The following CFAP61 variants were observed in gnomAD, a reference collection of about 807,000 sequenced individuals.
The protein encoded by CFAP61 is cilia- and flagella-associated protein 61.
CFAP61 carries 107 observed loss-of-function variants against 135.6 expected under a neutral mutation model. The ratio of observed to expected loss-of-function variants is 0.79; its 90% CI spans 0.67 to 0.93. CFAP61 has a LOEUF of 0.93. CFAP61 is among the 40% of genes least tolerant of loss of function. The pLI is 0.00. For missense variants in CFAP61, 1,507 were observed against 1,556.2 expected (o/e 0.97, Z 0.53); for synonymous variants, 575 against 578.5 (o/e 0.99, Z 0.09).
intron 9 of CFAP61, among the ~76,000 whole-genome samples, chr20:20,154,690 CAAAA>C (rs1410614342): frequency 1.3e-5 from 2 of 151,080 alleles, no homozygotes; most frequent in African/African-American, 2.4e-5. Context: ...AAAAAACAAA[CAAAA>C]AACCTAGGAA....
At chr20:20,259,218 TGTCAACA>T (rs1006508023) in intron 20 of CFAP61, among the ~76,000 whole-genome samples, 3 of 150,152 alleles carry the variant, frequency 2.0e-5, no homozygotes, top group Non-Finnish European at 4.4e-5. Flanking sequence ...GGCTCCCTGA[TGTCAACA>T]GGAACCCAGG....
chr20:20,169,244 G>C, intron 12 of CFAP61, 77 bp from the exon 13 acceptor site: 4 of 1,373,350 alleles, frequency 2.9e-6, no homozygotes, highest in Non-Finnish European at 3.0e-6. Context: ...TATTTTTCTT[G>C]GTGTTTTTTA....
At chr20:20,210,120 T>C (rs2047526859) in intron 17 of CFAP61, among the ~76,000 whole-genome samples, 1 of 152,206 alleles carries the variant, frequency 6.6e-6, no homozygotes, top group Admixed American at 6.5e-5. Context: ...CCATCTCCAC[T>C]GGACTCTTCC....
chr20:20,096,661 G>A (rs1407010002), intron 7 of CFAP61, among the ~76,000 whole-genome samples: 1 of 152,212 alleles, frequency 6.6e-6, no homozygotes, highest in Non-Finnish European at 1.5e-5. Flanking sequence ...TTTCCCTGCC[G>A]AGAGTCAGGC....
intron 20 of CFAP61, among the ~76,000 whole-genome samples, chr20:20,261,829 A>G (rs1451420949): frequency 6.6e-6 from 1 of 151,740 alleles, no homozygotes; most frequent in East Asian, 1.9e-4. Flanking sequence ...AGTTTGCCAC[A>G]GTATCCTTGA....
At chr20:20,189,496 T>C (rs906276103) in intron 14 of CFAP61, among the ~76,000 whole-genome samples, 1 of 147,688 alleles carries the variant, frequency 6.8e-6, no homozygotes, top group Non-Finnish European at 1.5e-5. Context: ...TCTGTACTTA[T>C]GTACTTATGG....
chr20:20,267,215 G>A (rs1195098098), intron 21 of CFAP61, among the ~76,000 whole-genome samples: 3 of 152,120 alleles, frequency 2.0e-5, no homozygotes, highest in Admixed American at 2.0e-4. Flanking sequence ...GAGAGGCTGG[G>A]GGAGTTTGGA....
chr20:20,146,689 C>T (rs536351918), intron 9 of CFAP61, among the ~76,000 whole-genome samples: 1 of 152,306 alleles, frequency 6.6e-6, no homozygotes, highest in African/African-American at 2.4e-5. Context: ...ACTTAATGAT[C>T]TTTGCATTGA....
intron 13 of CFAP61, among the ~76,000 whole-genome samples, chr20:20,181,103 A>G (rs1043105987): frequency 1.3e-5 from 2 of 151,750 alleles, no homozygotes. Context: ...ACAAACCCCA[A>G]TGACACAAGT....
intron 1 of CFAP61, among the ~76,000 whole-genome samples, chr20:20,055,580 T>C (rs1368534724): frequency 6.6e-6 from 1 of 152,238 alleles, no homozygotes; most frequent in Non-Finnish European, 1.5e-5. Flanking sequence ...CTCGCTCGCT[T>C]TCTTTCTTCT....
intron 1 of CFAP61, among the ~76,000 whole-genome samples, chr20:20,054,412 T>TACAC (rs759860912): frequency 6.6e-6 from 1 of 151,356 alleles, no homozygotes; most frequent in Non-Finnish European, 1.5e-5. Flanking sequence ...TATATATATA[T>TACAC]ATACACACAC....
At chr20:20,246,026 G>A (rs1254081868) in intron 18 of CFAP61, 91 bp from the exon 19 acceptor site, 3 of 765,516 alleles carry the variant, frequency 3.9e-6, no homozygotes, top group Admixed American at 2.5e-5. Flanking sequence ...ACAGTTGGAT[G>A]ACACGTGATA....
At chr20:20,102,683 G>A (rs891013406) in intron 8 of CFAP61, among the ~76,000 whole-genome samples, 3 of 151,856 alleles carry the variant, frequency 2.0e-5, no homozygotes, top group African/African-American at 7.3e-5. Context: ...CCCTTTATGT[G>A]TCCATGGACA....
Position 20,355,495 on chromosome 20 carries a change from G to A in CFAP61, c.3514-4715G>A, listed in dbSNP as rs371906785. On this transcript the variant is annotated intron_variant, in intron 26 of 26. Coordinates refer to ENST00000245957, the MANE Select transcript of CFAP61 (RefSeq NM_015585.4). ...GGGAGGTGGTCACACTGTGAGGGGA[G>A]GTGGTCACACTGTGAGGGGAGGTGG... Among the ~76,000 whole-genome samples the A allele has an allele frequency of 2.9e-4, 34 of 118,758 alleles. 5 individuals carry two copies. The highest frequency in any genetic ancestry group is 2.2e-3 in the East Asian group (6 of 2,762). 77.9% of individuals were successfully genotyped at this position (118,758 alleles called of 152,430 possible). A position where few individuals can be genotyped will look rare whatever the true frequency, so the allele number is the denominator to read the frequency against.
At chr20:20,096,642 G>A (rs902512258) in intron 7 of CFAP61, among the ~76,000 whole-genome samples, 16 of 152,232 alleles carry the variant, frequency 1.1e-4, no homozygotes, top group Non-Finnish European at 1.9e-4. Context: ...AACCAAGATG[G>A]ATGCCAATTT....
intron 26 of CFAP61, among the ~76,000 whole-genome samples, chr20:20,358,647 A>C (rs551095746): frequency 6.6e-6 from 1 of 152,214 alleles, no homozygotes; most frequent in Admixed American, 6.5e-5. Context: ...CACTGCCTTT[A>C]TTGCTCTAGT....
At chr20:20,217,114 A>G (rs886740813) in intron 17 of CFAP61, among the ~76,000 whole-genome samples, 1 of 152,220 alleles carries the variant, frequency 6.6e-6, no homozygotes, top group African/African-American at 2.4e-5. Context: ...AATTCCTTTG[A>G]ACTTTGTAGC....
chr20:20,174,250 C>T (rs2054439612), intron 13 of CFAP61, among the ~76,000 whole-genome samples: 1 of 152,232 alleles, frequency 6.6e-6, no homozygotes, highest in Non-Finnish European at 1.5e-5. Flanking sequence ...CCTTCACAGC[C>T]TCCTCCAGTT....
At chr20:20,290,199 C>T (rs759754781) in intron 23 of CFAP61, 101 bp from the exon 24 acceptor site, 46 of 764,108 alleles carry the variant, frequency 6.0e-5, no homozygotes, top group East Asian at 9.8e-5. Flanking sequence ...GAGGAGCATA[C>T]GCCACTGCAG....
Sources: allele counts gnomAD v4.1 joint callset (sites outside exome capture counted in the v4.1 genomes callset), GRCh38; gene constraint gnomAD v4.1.1; transcripts MANE v1.5; gene names NCBI Gene and HGNC (gene_info 2026-07-23, HGNC 2026-07-21).